CHRDL1: variants seen among roughly 807,000 people sequenced by gnomAD.
The protein encoded by CHRDL1 is chordin-like protein 1.
CHRDL1 carries 19 observed loss-of-function variants against 40.9 expected under a neutral mutation model. The observed-to-expected ratio is 0.46, with a 90% confidence interval of 0.32 to 0.68. The LOEUF (loss-of-function observed/expected upper bound fraction) is 0.68, where lower values mean the gene tolerates loss of function less well. Among genes scored for constraint, CHRDL1 ranks in the 30% least tolerant of loss-of-function variants. The pLI, the probability that CHRDL1 is intolerant of heterozygous loss-of-function variation, is 0.03. For missense variants in CHRDL1, 329 were observed against 352.1 expected, an observed-to-expected ratio of 0.93 and a Z score of 0.53; for synonymous variants, 136 against 123.4, an observed-to-expected ratio of 1.10 and a Z score of -0.68.
intron 6 of CHRDL1, among the ~76,000 whole-genome samples, chrX:110,705,271 G>A (rs916913765): frequency 3.2e-4 from 28 of 88,864 alleles, no homozygotes; most frequent in African/African-American, 1.1e-3. Flanking sequence ...TCATTAAAAA[G>A]TAATGGAGAC....
At chrX:110,713,584 G>C (rs1199712338) in intron 6 of CHRDL1, among the ~76,000 whole-genome samples, 2 of 111,759 alleles carry the variant, frequency 1.8e-5, no homozygotes, top group Admixed American at 9.5e-5. Context: ...GGTCCCAACA[G>C]GTAGTATAGA....
chrX:110,764,931 G>A (rs186599359), intron 2 of CHRDL1, among the ~76,000 whole-genome samples: 1 of 111,170 alleles, frequency 9.0e-6, no homozygotes, highest in Admixed American at 9.5e-5. Flanking sequence ...GGTCACACTG[G>A]TTCTCTGCTC....
intron 4 of CHRDL1, among the ~76,000 whole-genome samples, chrX:110,757,036 G>A (rs2089467339): frequency 9.0e-6 from 1 of 111,218 alleles, no homozygotes; most frequent in South Asian, 3.8e-4. Context: ...CCCAACACAT[G>A]GCCTAAATAG....
chrX:110,696,741 C>A (rs756183103), intron 7 of CHRDL1, among the ~76,000 whole-genome samples: 1 of 111,069 alleles, frequency 9.0e-6, no homozygotes, highest in African/African-American at 3.3e-5. Context: ...TACCTGGGTC[C>A]CGCTCTGAGG....
chrX:110,691,931 T>A (rs925785595), intron 8 of CHRDL1, among the ~76,000 whole-genome samples: 1 of 110,131 alleles, frequency 9.1e-6, no homozygotes, highest in African/African-American at 3.3e-5. Flanking sequence ...ACCTCTTTTT[T>A]TTTTTTTCTC....
intron 2 of CHRDL1, among the ~76,000 whole-genome samples, chrX:110,787,810 G>T (rs2062001): frequency 9.0e-6 from 1 of 111,460 alleles, no homozygotes; most frequent in South Asian, 3.8e-4. Context: ...GGAGTGGACT[G>T]CATGAAATAC....
chrX:110,685,078 G>A (rs1307529950), intron 9 of CHRDL1, among the ~76,000 whole-genome samples: 1 of 111,781 alleles, frequency 8.9e-6, no homozygotes, highest in African/African-American at 3.3e-5. Flanking sequence ...ATTTTATTAT[G>A]TTTTCTAAAT....
chrX:110,737,461 C>T (rs933851454), intron 4 of CHRDL1, among the ~76,000 whole-genome samples: 7 of 111,753 alleles, frequency 6.3e-5, no homozygotes, highest in Non-Finnish European at 1.1e-4. Flanking sequence ...GCATTAATAC[C>T]ACCTGAGAGC....
intron 4 of CHRDL1, among the ~76,000 whole-genome samples, chrX:110,739,996 G>A (rs950385768): frequency 1.8e-5 from 2 of 112,433 alleles, no homozygotes; most frequent in African/African-American, 6.5e-5. Flanking sequence ...TGGATCCAAC[G>A]GCATGTAAGA....
chrX:110,742,466 C>A (rs1054756232), intron 4 of CHRDL1, among the ~76,000 whole-genome samples: 2 of 112,496 alleles, frequency 1.8e-5, no homozygotes, highest in South Asian at 3.6e-4. Context: ...AAAAGATTTT[C>A]TTTAAAAATA....
intron 2 of CHRDL1, among the ~76,000 whole-genome samples, chrX:110,780,036 C>G: frequency 9.0e-6 from 1 of 111,309 alleles, no homozygotes; most frequent in Middle Eastern, 4.6e-3. Flanking sequence ...ATACTTCAAC[C>G]TTGCAATAAT....
intron 4 of CHRDL1, among the ~76,000 whole-genome samples, chrX:110,728,648 C>T (rs750520340): frequency 8.9e-6 from 1 of 111,855 alleles, no homozygotes; most frequent in Non-Finnish European, 1.9e-5. Flanking sequence ...TTGTGTAAAT[C>T]TGAGCTGGCT....
chrX:110,686,053 C>T (rs928350057), intron 9 of CHRDL1, among the ~76,000 whole-genome samples: 1 of 109,449 alleles, frequency 9.1e-6, no homozygotes, highest in Non-Finnish European at 1.9e-5. Flanking sequence ...TGCCACCATA[C>T]CTGGCTAATT....
At chrX:110,713,949 G>A (rs1343999298) in intron 6 of CHRDL1, among the ~76,000 whole-genome samples, 1 of 111,364 alleles carries the variant, frequency 9.0e-6, no homozygotes, top group Non-Finnish European at 1.9e-5. Context: ...GGGACAGGAA[G>A]TGGAAATGAT....
chrX:110,713,802 T>C (rs897921769), intron 6 of CHRDL1, among the ~76,000 whole-genome samples: 5 of 112,586 alleles, frequency 4.4e-5, no homozygotes, highest in African/African-American at 1.6e-4. Flanking sequence ...GTCTGGCACA[T>C]TGTACGTGCT....
intron 9 of CHRDL1, among the ~76,000 whole-genome samples, chrX:110,687,518 T>C (rs947101613): frequency 8.9e-6 from 1 of 112,057 alleles, no homozygotes; most frequent in African/African-American, 3.2e-5. Context: ...GTTGAAGAAG[T>C]ATATAATTTA....
intron 4 of CHRDL1, among the ~76,000 whole-genome samples, chrX:110,737,538 A>G (rs2071283606): frequency 8.9e-6 from 1 of 112,041 alleles, no homozygotes; most frequent in African/African-American, 3.2e-5. Context: ...CACTTCAGGA[A>G]GATTCCCAGT....
At chrX:110,764,693 T>C (rs1017674659) in intron 2 of CHRDL1, among the ~76,000 whole-genome samples, 6 of 111,828 alleles carry the variant, frequency 5.4e-5, no homozygotes, top group Non-Finnish European at 1.1e-4. Flanking sequence ...TTTTTCTTCT[T>C]GCAGAGAGCC....
At chrX:110,775,177 AGGAACT>A (rs1454279381) in intron 2 of CHRDL1, among the ~76,000 whole-genome samples, 5 of 111,859 alleles carry the variant, frequency 4.5e-5, no homozygotes, top group Non-Finnish European at 9.4e-5. Flanking sequence ...TGGTGACATG[AGGAACT>A]TTCAGGAGTC....
Sources: gnomAD v4.1 joint callset for allele counts (sites outside exome capture counted in the v4.1 genomes callset) on GRCh38, gnomAD v4.1.1 for gene constraint, MANE v1.5 for transcripts, NCBI Gene and HGNC (gene_info 2026-07-23, HGNC 2026-07-21) for gene names.